The following MTERF4 variants were observed in gnomAD, a reference collection of about 807,000 sequenced individuals.
MTERF4 encodes transcription termination factor 4, mitochondrial.
Under a neutral mutation model 22.5 loss-of-function variants are expected in MTERF4, and 17 were observed. That is an observed-to-expected ratio of 0.75 (90% CI 0.52 to 1.13). MTERF4 has a LOEUF of 1.13. Ranked by LOEUF, MTERF4 falls within the 50% of genes most tolerant of loss-of-function variation. MTERF4 has a pLI of 0.00. For missense variants in MTERF4, 420 were observed against 466.8 expected, an observed-to-expected ratio of 0.90 and a Z score of 0.92; for synonymous variants, 165 against 175.3, an observed-to-expected ratio of 0.94 and a Z score of 0.47.
At chr2:241,080,832 C>T (rs1169314561) in intron 4 of MTERF4, among the ~76,000 whole-genome samples, 1 of 152,238 alleles carries the variant, frequency 6.6e-6, no homozygotes, top group Non-Finnish European at 1.5e-5. Context: ...GGAGCCTTCA[C>T]GCTGCCGTGC....
downstream of MTERF4, chr2:241,092,331 G>C (rs778683616): frequency 6.6e-6 from 1 of 152,184 alleles, no homozygotes; most frequent in Non-Finnish European, 1.5e-5. This position sits in a 1 kb window ranked among gnomAD's most constrained non-coding sequence, Gnocchi z 4.6. Flanking sequence ...TTTCAGCTTT[G>C]CAGACCAGAG....
At chr2:241,102,051 CA>C (rs10650274) in intron 1 of MTERF4, 370 of 552,680 alleles carry the variant, frequency 6.7e-4, no homozygotes, top group Middle Eastern at 2.0e-3. Flanking sequence ...GACTTTGTCT[CA>C]AAAAAAAAAA....
chr2:241,053,154 G>A, the MTERF4 span: 1,667 of 1,609,298 alleles, frequency 1.0e-3, 21 homozygotes, highest in South Asian at 0.017. Flanking sequence ...GCCTTGCAGA[G>A]GTGGACTGCG....
At chr2:241,061,950 C>G in the MTERF4 span, among the ~76,000 whole-genome samples, 1 of 152,016 alleles carries the variant, frequency 6.6e-6, no homozygotes, top group Non-Finnish European at 1.5e-5. Flanking sequence ...TATGATATAA[C>G]CACACTGTGT....
Position 241,096,631 on chromosome 2 carries a change from G to T in MTERF4, c.706-193C>A. On this transcript the variant is annotated intron_variant, in intron 3 of 3. Transcript: ENST00000391980. The surrounding 1 kb of genome is among the most constrained non-coding windows in gnomAD (Gnocchi z 5.1). ...TTCAAAACACTTTCAAATTCATCCT[G>T]AGAAACATGGAGCAGGAAATAAAGG... The T allele has an allele frequency of 1.4e-6, 1 of 713,044 alleles. No individual in the cohort carries two copies. The allele number at this position is 713,044 out of a possible 1,614,324, so 44.2% of individuals were successfully genotyped here. A position where few individuals can be genotyped will look rare whatever the true frequency, so the allele number is the denominator to read the frequency against.
At chr2:241,069,760 G>A (rs1042332259), downstream of MTERF4, among the ~76,000 whole-genome samples, 2 of 152,082 alleles carry the variant, frequency 1.3e-5, no homozygotes, top group Non-Finnish European at 2.9e-5. This position sits in a 1 kb window ranked among gnomAD's most constrained non-coding sequence, Gnocchi z 4.9. Context: ...TGTGCTGTAC[G>A]TGCCAGCCCA....
chr2:241,058,363 T>C, the MTERF4 span, among the ~76,000 whole-genome samples: 4 of 152,140 alleles, frequency 2.6e-5, no homozygotes, highest in Non-Finnish European at 5.9e-5. Context: ...ATTAATTAAA[T>C]GTCTGACTTC....
the MTERF4 span, among the ~76,000 whole-genome samples, chr2:241,060,274 C>G: frequency 2.0e-5 from 3 of 151,996 alleles, no homozygotes; most frequent in Non-Finnish European, 4.4e-5. Flanking sequence ...CCTCCGCCTC[C>G]CTGGTTCAAG....
At chr2:241,048,958 A>G in the MTERF4 span, 1 of 1,446,126 alleles carries the variant, frequency 6.9e-7, no homozygotes, top group Non-Finnish European at 9.5e-7. Context: ...CATCCTTGAC[A>G]AGGACTCGAG....
At chr2:241,082,163 T>G, downstream of MTERF4, 3 of 799,024 alleles carry the variant, frequency 3.8e-6, no homozygotes, top group Non-Finnish European at 6.2e-6. Context: ...CATCCCGCCT[T>G]GGAGGAAGCC....
At chr2:241,067,849 T>C (rs973798036), downstream of MTERF4, 1 of 1,613,310 alleles carries the variant, frequency 6.2e-7, no homozygotes, top group Non-Finnish European at 8.5e-7. Context: ...GGATCCGCCA[T>C]GCCACCGTCA....
chr2:241,054,971 G>C, the MTERF4 span, among the ~76,000 whole-genome samples: 1 of 152,122 alleles, frequency 6.6e-6, no homozygotes, highest in Non-Finnish European at 1.5e-5. Flanking sequence ...ACAAAAACTA[G>C]CCGGGTGTGG....
the MTERF4 span, among the ~76,000 whole-genome samples, chr2:241,054,741 G>A: frequency 1.3e-5 from 2 of 152,234 alleles, no homozygotes; most frequent in African/African-American, 4.8e-5. Flanking sequence ...AATGGATGCA[G>A]ATGAAGAGTA....
chr2:241,075,277 C>A lies in MTERF4; in HGVS notation n.885G>T, dbSNP rs2062966722. 6.6e-6 allele frequency: 1 copy of A among 152,194 alleles called. No homozygotes were observed. Among genetic ancestry groups the A allele is most frequent in the South Asian group, 2.1e-4 (1 of 4,810 alleles). 9.4% of individuals were successfully genotyped at this position (152,194 alleles called of 1,614,324 possible). A position where few individuals can be genotyped will look rare whatever the true frequency, so the allele number is the denominator to read the frequency against. ...GATCTAGGATGAGGATGTGTGAATG[C>A]CCAAATTACATGAGAACTAAGTCAT... On this transcript the variant is annotated non_coding_transcript_exon_variant, in exon 5 of 5. Transcript: ENST00000464344. This position sits in a 1 kb window ranked among gnomAD's most constrained non-coding sequence, Gnocchi z 4.8.
chr2:241,092,148 AAGCCGGGTTGCAGACAC>A (rs1204678695), downstream of MTERF4: 1 of 152,324 alleles, frequency 6.6e-6, no homozygotes, highest in Non-Finnish European at 1.5e-5. The surrounding 1 kb of genome is among the most constrained non-coding windows in gnomAD (Gnocchi z 4.6). Context: ...GTCAGAAGGA[AAGCCGGGTTGCAGACAC>A]AGCCGCCCCT....
the MTERF4 span, chr2:241,065,690 A>C: frequency 9.4e-7 from 1 of 1,066,284 alleles, no homozygotes; most frequent in Admixed American, 2.4e-5. Flanking sequence ...CATGCCGTCC[A>C]CCCTCCTAGT....
chr2:241,063,521 T>C, the MTERF4 span: 10 of 1,029,608 alleles, frequency 9.7e-6, no homozygotes, highest in South Asian at 2.7e-5. Flanking sequence ...ATGCACGGAA[T>C]CCTGGGGGCA....
At chr2:241,072,099 G>C, downstream of MTERF4, 1 of 700,134 alleles carries the variant, frequency 1.4e-6, no homozygotes, top group East Asian at 2.7e-5. Flanking sequence ...CCTCACGTCA[G>C]TGTGTGGGCT....
chr2:241,065,829 C>G, the MTERF4 span, among the ~76,000 whole-genome samples: 1 of 151,994 alleles, frequency 6.6e-6, no homozygotes, highest in Non-Finnish European at 1.5e-5. Flanking sequence ...AGAATCGAGC[C>G]AAGAGTGGGA....
Sources: allele counts gnomAD v4.1 joint callset (sites outside exome capture counted in the v4.1 genomes callset), GRCh38; gene constraint gnomAD v4.1.1; non-coding constraint Gnocchi (gnomAD v3.1); transcripts MANE v1.5; gene names NCBI Gene and HGNC (gene_info 2026-07-23, HGNC 2026-07-21).